GASK1A: variants seen among roughly 807,000 people sequenced by gnomAD.
The protein encoded by GASK1A is Golgi-associated kinase 1A.
GASK1A carries 40 observed loss-of-function variants against 41.2 expected under a neutral mutation model. That is an observed-to-expected ratio of 0.97 (90% CI 0.75 to 1.27). The LOEUF is 1.27. Among genes scored for constraint, GASK1A ranks in the 50% most tolerant of loss-of-function variants. The pLI is 0.00. For missense variants in GASK1A, 678 were observed against 745.1 expected, an observed-to-expected ratio of 0.91 and a Z score of 1.05; for synonymous variants, 316 against 307.1, an observed-to-expected ratio of 1.03 and a Z score of -0.30.
chr3:43,033,498 C>T lies in GASK1A; in HGVS notation c.1235C>T (p.Pro412Leu), dbSNP rs376613226. The T allele has an allele frequency of 4.1e-5, 64 of 1,549,740 alleles. No individual in the cohort carries two copies. In the Admixed American group the frequency reaches 4.7e-4, roughly 11 times the overall value. The change falls in exon 2 of 5, where the codon CCG becomes CTG. Residue 412 changes from proline (P) to leucine (L), a missense_variant. Pro to Leu is a moderately conservative substitution (Grantham distance 98). Transcript: ENST00000430121. Reference protein sequence around the residue: ...SCNWPGQAPCPGIHHTEWARL... With the variant: ...SCNWPGQAPCLGIHHTEWARL... ...AACTGGCCAGGCCAGGCCCCGTGCC[C>T]GGGCATCCACCATACCGAGTGGGCA... is the stretch of plus-strand genomic sequence containing the variant.
chr3:43,044,710 T>C (rs1197089234), intron 2 of GASK1A, among the ~76,000 whole-genome samples: 3 of 152,194 alleles, frequency 2.0e-5, no homozygotes, highest in South Asian at 2.1e-4. Context: ...TTTTGTAGAA[T>C]GGTTTAGAAT....
At chr3:42,988,388 G>A (rs978635842) in intron 1 of GASK1A, among the ~76,000 whole-genome samples, 1 of 152,188 alleles carries the variant, frequency 6.6e-6, no homozygotes, top group Non-Finnish European at 1.5e-5. Context: ...CCCATCTTGG[G>A]GCAGCAGGTT....
intron 1 of GASK1A, among the ~76,000 whole-genome samples, chr3:43,019,048 C>T (rs940903555): frequency 6.6e-6 from 1 of 152,174 alleles, no homozygotes; most frequent in Non-Finnish European, 1.5e-5. Context: ...AACAGTAGTA[C>T]GTATCTCATA....
intron 1 of GASK1A, among the ~76,000 whole-genome samples, chr3:43,007,422 AG>A (rs1386644091): frequency 2.1e-4 from 32 of 152,150 alleles, no homozygotes; most frequent in African/African-American, 7.7e-4. Context: ...TGGGTGCAGG[AG>A]GGGCAGCTGC....
intron 1 of GASK1A, among the ~76,000 whole-genome samples, chr3:43,001,137 G>A (rs2125676877): frequency 6.6e-6 from 1 of 152,194 alleles, no homozygotes; most frequent in East Asian, 1.9e-4. Context: ...CCTCAGTGTT[G>A]GGAACACCCA....
chr3:43,028,571 G>T (rs1055358300), intron 1 of GASK1A, among the ~76,000 whole-genome samples: 7 of 152,020 alleles, frequency 4.6e-5, no homozygotes, highest in Non-Finnish European at 1.0e-4. Flanking sequence ...TGTGGGTGGG[G>T]GTGGCAAGTG....
chr3:43,025,851 C>T (rs1269480210), intron 1 of GASK1A, among the ~76,000 whole-genome samples: 1 of 152,202 alleles, frequency 6.6e-6, no homozygotes, highest in East Asian at 1.9e-4. Context: ...TCTGCATCCT[C>T]ACCTTACCCT....
chr3:42,985,584 T>TGG (rs1262469017), intron 1 of GASK1A, among the ~76,000 whole-genome samples: 60 of 136,220 alleles, frequency 4.4e-4, no homozygotes, highest in Admixed American at 2.2e-3. Context: ...TGTGTGTGTG[T>TGG]GTGGGCGGAG....
intron 2 of GASK1A, among the ~76,000 whole-genome samples, chr3:43,043,180 C>T (rs548443706): frequency 6.6e-5 from 10 of 152,316 alleles, no homozygotes; most frequent in South Asian, 2.1e-4. Context: ...CCCTTTCCAC[C>T]GTGAAGGTCC....
chr3:43,055,420 C>T lies in GASK1A; in HGVS notation c.1414-12C>T. 1 of 1,547,214 alleles carries T rather than the reference C, an allele frequency of 6.5e-7. No homozygotes were observed. The highest frequency in any genetic ancestry group is 8.7e-7 in the Non-Finnish European group (1 of 1,142,976). ...TTACCCACCTCTGTCTCTGTCCACC[C>T]TCTTCCCTGAGGTCCGGAGCAGCGA... On this transcript the variant is annotated splice_polypyrimidine_tract_variant and intron_variant, in intron 3 of 4. Transcript: ENST00000430121.
At chr3:43,018,173 C>T (rs761195152) in intron 1 of GASK1A, among the ~76,000 whole-genome samples, 5 of 152,190 alleles carry the variant, frequency 3.3e-5, no homozygotes, top group Non-Finnish European at 7.3e-5. Context: ...ATCTTTATCC[C>T]GAGACTGTGG....
chr3:43,005,795 C>T (rs139540855), intron 1 of GASK1A, among the ~76,000 whole-genome samples: 209 of 152,330 alleles, frequency 1.4e-3, no homozygotes, highest in African/African-American at 4.8e-3. Flanking sequence ...AGTTTTGCTG[C>T]TGCACCTCAA....
intron 1 of GASK1A, among the ~76,000 whole-genome samples, chr3:43,011,925 G>A (rs1326480663): frequency 9.2e-5 from 14 of 151,872 alleles, no homozygotes; most frequent in African/African-American, 3.4e-4. Flanking sequence ...TAAAAGGGCA[G>A]TGTGAAGTCA....
chr3:42,983,794 TG>T (rs1431009420), intron 1 of GASK1A, among the ~76,000 whole-genome samples: 13 of 152,336 alleles, frequency 8.5e-5, no homozygotes, highest in Admixed American at 3.9e-4. Flanking sequence ...ACCCAGGCTT[TG>T]TGCAGGGCTG....
At chr3:43,040,776 C>T (rs1394546719) in intron 2 of GASK1A, among the ~76,000 whole-genome samples, 2 of 150,960 alleles carry the variant, frequency 1.3e-5, no homozygotes, top group African/African-American at 4.9e-5. Flanking sequence ...TACATGTGCA[C>T]AATGTGCAGG....
At chr3:43,051,381 T>C (rs1361728566) in intron 2 of GASK1A, among the ~76,000 whole-genome samples, 1 of 152,132 alleles carries the variant, frequency 6.6e-6, no homozygotes, top group Non-Finnish European at 1.5e-5. Context: ...AAGGACTCTG[T>C]GTGTGTGTTG....
In GASK1A at chr3:43,051,118, G is replaced by A. The variant is rs971918128; in HGVS notation, c.1291-2403G>A. Reference sequence around the variant, plus strand: ...AAAACTGAGTATTTAAATAATATAAGGTGGCCACTTTGAAAATCAGATTCT... The same window carrying A: ...AAAACTGAGTATTTAAATAATATAAAGTGGCCACTTTGAAAATCAGATTCT... On this transcript the variant is annotated intron_variant, in intron 2 of 4. Transcript: ENST00000430121. 3.3e-5 allele frequency among the ~76,000 whole-genome samples: 5 copies of A among 152,016 alleles called. No homozygotes were observed. In the East Asian group the frequency reaches 5.8e-4, roughly 18 times the overall value.
chr3:42,994,454 G>A (rs574043594), intron 1 of GASK1A, among the ~76,000 whole-genome samples: 4 of 152,102 alleles, frequency 2.6e-5, no homozygotes, highest in Admixed American at 1.3e-4. Flanking sequence ...TTTTGCTTGG[G>A]GAGCCTCCAA....
intron 1 of GASK1A, among the ~76,000 whole-genome samples, chr3:43,020,240 C>T (rs147913355): frequency 2.6e-5 from 4 of 152,302 alleles, no homozygotes; most frequent in South Asian, 4.1e-4. Context: ...TATTACAGTA[C>T]GAACTGTAAA....
Sources: allele counts gnomAD v4.1 joint callset (sites outside exome capture counted in the v4.1 genomes callset), GRCh38; gene constraint gnomAD v4.1.1; transcripts MANE v1.5; gene names NCBI Gene and HGNC (gene_info 2026-07-23, HGNC 2026-07-21).